CNTLN: variants seen among roughly 807,000 people sequenced by gnomAD.
The protein encoded by CNTLN is centlein, centrosomal protein.
A neutral mutation model predicts 180.0 loss-of-function variants in CNTLN; 212 were observed. The observed-to-expected ratio is 1.18, with a 90% CI of 1.05 to 1.32. CNTLN has a LOEUF of 1.32. CNTLN is among the 40% of genes most tolerant of loss of function. The pLI is 0.00. For missense variants in CNTLN, 2,095 were observed against 1,610.9 expected (o/e 1.30, Z -5.14); for synonymous variants, 722 against 563.1 (o/e 1.28, Z -3.99).
At chr9:17,385,577 C>G in intron 13 of CNTLN, among the ~76,000 whole-genome samples, 3 of 152,256 alleles carry the variant, frequency 2.0e-5, no homozygotes, top group Admixed American at 2.0e-4. Context: ...GTTTCAGGAA[C>G]TGGGGACAAA....
chr9:17,231,033 T>C (rs1824782042), intron 3 of CNTLN, among the ~76,000 whole-genome samples: 2 of 152,136 alleles, frequency 1.3e-5, no homozygotes, highest in African/African-American at 4.8e-5. Context: ...TCTCTTCAAT[T>C]TTGGGAGCGT....
rs1399261170 is a variant in CNTLN at position 17,289,103 on chromosome 9, T to C, written c.984-9087T>C. Among the ~76,000 whole-genome samples, 4 of 123,586 alleles carry C rather than the reference T, an allele frequency of 3.2e-5. 1 individual carries two copies. The highest frequency in any genetic ancestry group is 7.3e-5 in the African/African-American group (2 of 27,452). The allele number at this position is 123,586 out of a possible 152,430, so 81.1% of individuals were successfully genotyped here. A position where few individuals can be genotyped will look rare whatever the true frequency, so the allele number is the denominator to read the frequency against. On this transcript the variant is annotated intron_variant, in intron 6 of 25. Coordinates refer to ENST00000380647, the MANE Select transcript of CNTLN (RefSeq NM_017738.4). ...TAGTTGATGCAGTTTCTTCCTAGTCTCCATGGTCTTTACATTTTGGCATGA... is the reference window on the plus strand; with the variant it reads ...TAGTTGATGCAGTTTCTTCCTAGTCCCCATGGTCTTTACATTTTGGCATGA...
At chr9:17,501,030 G>A (rs1463528218) in intron 25 of CNTLN, among the ~76,000 whole-genome samples, 1 of 152,094 alleles carries the variant, frequency 6.6e-6, no homozygotes, top group African/African-American at 2.4e-5. Flanking sequence ...TCTAAGATAT[G>A]CTTTTCCCAC....
chr9:17,439,606 C>T (rs1829989556), intron 18 of CNTLN, among the ~76,000 whole-genome samples: 1 of 152,118 alleles, frequency 6.6e-6, no homozygotes, highest in South Asian at 2.1e-4. Flanking sequence ...TAGAAGAAGT[C>T]TAAGAATCAC....
chr9:17,180,676 T>G (rs1821069556), intron 2 of CNTLN, among the ~76,000 whole-genome samples: 1 of 152,118 alleles, frequency 6.6e-6, no homozygotes, highest in South Asian at 2.1e-4. Flanking sequence ...CATTTAAAAT[T>G]TCTTTTCTAT....
intron 14 of CNTLN, among the ~76,000 whole-genome samples, chr9:17,393,314 A>G (rs1220331839): frequency 1.3e-5 from 2 of 152,186 alleles, no homozygotes; most frequent in African/African-American, 2.4e-5. Flanking sequence ...TATTCAGACC[A>G]TCGGAGTTGT....
At chr9:17,389,606 T>G (rs1825943510) in intron 14 of CNTLN, among the ~76,000 whole-genome samples, 1 of 152,144 alleles carries the variant, frequency 6.6e-6, no homozygotes, top group South Asian at 2.1e-4. Context: ...TAATGTAGTT[T>G]TATCAAGCAC....
chr9:17,161,519 G>C (rs1394279203), intron 2 of CNTLN, among the ~76,000 whole-genome samples: 1 of 152,098 alleles, frequency 6.6e-6, no homozygotes, highest in Non-Finnish European at 1.5e-5. Flanking sequence ...AAATACATTA[G>C]GAGCCATAAG....
chr9:17,518,420 A>G, the CNTLN span, among the ~76,000 whole-genome samples: 3 of 152,170 alleles, frequency 2.0e-5, no homozygotes, highest in Non-Finnish European at 1.5e-5. Flanking sequence ...GCCATAGATC[A>G]TTAGAATATC....
At chr9:17,213,380 T>G (rs1020557202) in intron 2 of CNTLN, among the ~76,000 whole-genome samples, 2 of 152,246 alleles carry the variant, frequency 1.3e-5, no homozygotes, top group African/African-American at 4.8e-5. Context: ...GTGAGTTTCT[T>G]AATCCTGAGT....
At chr9:17,210,936 T>C (rs949322966) in intron 2 of CNTLN, among the ~76,000 whole-genome samples, 8 of 152,182 alleles carry the variant, frequency 5.3e-5, no homozygotes, top group African/African-American at 1.9e-4. Context: ...TTTGAGTTCA[T>C]TGTAGATTCT....
intron 18 of CNTLN, among the ~76,000 whole-genome samples, chr9:17,453,541 A>C (rs1400713410): frequency 6.6e-6 from 1 of 152,214 alleles, no homozygotes; most frequent in Non-Finnish European, 1.5e-5. Context: ...TTTCTGTGCT[A>C]CAAAACAAAT....
At chr9:17,294,860 AGGAGG>A (rs1817729218) in intron 6 of CNTLN, among the ~76,000 whole-genome samples, 2 of 24,254 alleles carry the variant, frequency 8.2e-5, no homozygotes, top group Non-Finnish European at 1.4e-4. Flanking sequence ...GGGAGGAGGG[AGGAGG>A]GCGGAGGGAG....
intron 15 of CNTLN, among the ~76,000 whole-genome samples, chr9:17,408,276 A>T (rs1827564271): frequency 6.6e-6 from 1 of 152,070 alleles, no homozygotes; most frequent in Admixed American, 6.6e-5. Flanking sequence ...AAGCTCATCC[A>T]TGTGGGAAAG....
intron 13 of CNTLN, among the ~76,000 whole-genome samples, chr9:17,374,328 A>G (rs1824573774): frequency 1.3e-5 from 2 of 152,236 alleles, no homozygotes. Context: ...CGTTTCTCAA[A>G]AGAAGACATA....
chr9:17,438,572 G>C (rs1829920410), intron 18 of CNTLN, among the ~76,000 whole-genome samples: 2 of 152,048 alleles, frequency 1.3e-5, no homozygotes, highest in Non-Finnish European at 2.9e-5. Flanking sequence ...CCTCATAAAT[G>C]CATACTAGAA....
intron 8 of CNTLN, 54 bp from the exon 9 acceptor site, chr9:17,330,578 A>G (rs1015620790): frequency 5.3e-6 from 5 of 939,838 alleles, no homozygotes; most frequent in South Asian, 2.2e-5. Flanking sequence ...TTATTTATAA[A>G]TAATGTAAGA....
chr9:17,171,194 G>A (rs920140113), intron 2 of CNTLN, among the ~76,000 whole-genome samples: 2 of 150,282 alleles, frequency 1.3e-5, no homozygotes, highest in African/African-American at 2.5e-5. Flanking sequence ...TTTGTTTTTT[G>A]GTGGCATTTT....
intron 11 of CNTLN, among the ~76,000 whole-genome samples, chr9:17,341,951 A>T (rs1821512226): frequency 6.6e-6 from 1 of 152,190 alleles, no homozygotes; most frequent in Non-Finnish European, 1.5e-5. Context: ...AGGCATCTGT[A>T]CCACATTCAT....
Sources: gnomAD v4.1 joint callset for allele counts (sites outside exome capture counted in the v4.1 genomes callset) on GRCh38, gnomAD v4.1.1 for gene constraint, MANE v1.5 for transcripts, NCBI Gene and HGNC (gene_info 2026-07-23, HGNC 2026-07-21) for gene names.